INTS7: variants seen among roughly 807,000 people sequenced by gnomAD.
The protein encoded by INTS7 is integrator complex subunit 7.
A neutral mutation model predicts 109.2 loss-of-function variants in INTS7; 46 were observed. The observed-to-expected ratio is 0.42, with a 90% CI of 0.33 to 0.54. INTS7 has a LOEUF of 0.54. Ranked by LOEUF, INTS7 falls within the 20% of genes least tolerant of loss-of-function variation. INTS7 has a pLI of 0.07. For missense variants in INTS7, 929 were observed against 1,132.4 expected (o/e 0.82, Z 2.58); for synonymous variants, 412 against 402.9 (o/e 1.02, Z -0.27).
intron 12 of INTS7, among the ~76,000 whole-genome samples, chr1:211,976,000 A>G (rs866284261): frequency 6.6e-6 from 1 of 151,792 alleles, no homozygotes. Context: ...GGCTTTTACT[A>G]TGTCAGCCAG....
rs757828237 is a variant in INTS7 at position 211,978,931 on chromosome 1, C to CGT, written c.1231-422_1231-421dup. On this transcript the variant is annotated intron_variant, in intron 10 of 19. Coordinates refer to ENST00000366994, the MANE Select transcript of INTS7 (RefSeq NM_015434.4). ...AAATATAGATTCCTGAATTAACATACGTGTGTGTGTGTGTTGAGGCTACTG... is the reference window on the plus strand; with the variant it reads ...AAATATAGATTCCTGAATTAACATACGTGTGTGTGTGTGTGTTGAGGCTACTG... Among the ~76,000 whole-genome samples the CGT allele has an allele frequency of 1.5e-4, 23 of 151,730 alleles. 1 individual carries two copies. The highest frequency in any genetic ancestry group is 7.7e-4 in the East Asian group (4 of 5,166).
intron 15 of INTS7, among the ~76,000 whole-genome samples, chr1:211,966,714 C>T (rs574844572): frequency 6.2e-4 from 94 of 152,224 alleles, no homozygotes; most frequent in African/African-American, 2.1e-3. Flanking sequence ...AAGGGTACTT[C>T]GGAGGCTACT....
chr1:211,969,479 A>T (rs956819659), intron 13 of INTS7, among the ~76,000 whole-genome samples: 24 of 150,114 alleles, frequency 1.6e-4, no homozygotes, highest in East Asian at 3.9e-4. Flanking sequence ...CACTGTTTTT[A>T]AAAAAAAATG....
At chr1:212,014,546 TCCCTCCCCCTCC>T (rs371405739) in intron 4 of INTS7, among the ~76,000 whole-genome samples, 1 of 142,202 alleles carries the variant, frequency 7.0e-6, no homozygotes, top group Non-Finnish European at 1.5e-5. Flanking sequence ...ATTTATCCTC[TCCCTCCCCCTCC>T]CCCTCCCCCT....
In INTS7 at chr1:211,946,795, A is replaced by G. The variant is rs1662867216; in HGVS notation, c.2317-90T>C. On this transcript the variant is annotated intron_variant, in intron 17 of 19. Coordinates refer to ENST00000366994, the MANE Select transcript of INTS7 (RefSeq NM_015434.4). The surrounding 1 kb of genome is among the most constrained non-coding windows in gnomAD (Gnocchi z 4.3). ...ATTCAGTATAAAACTACAAATGCCCATATAGATTATTACAAAGGTACATAC... is the reference window on the plus strand; with the variant it reads ...ATTCAGTATAAAACTACAAATGCCCGTATAGATTATTACAAAGGTACATAC... The G allele has an allele frequency of 1.3e-6, 1 of 788,508 alleles. No individual in the cohort carries two copies. Among genetic ancestry groups the G allele is most frequent in the South Asian group, 1.7e-5 (1 of 59,664 alleles). The allele number at this position is 788,508 out of a possible 1,614,324, so 48.8% of individuals were successfully genotyped here.
intron 7 of INTS7, among the ~76,000 whole-genome samples, chr1:211,989,525 T>C (rs938391219): frequency 6.6e-6 from 1 of 152,050 alleles, no homozygotes; most frequent in Non-Finnish European, 1.5e-5. Context: ...AGAACCTTAA[T>C]ATATAAAAAG....
intron 16 of INTS7, among the ~76,000 whole-genome samples, chr1:211,965,384 T>C (rs1663826170): frequency 6.6e-6 from 1 of 152,212 alleles, no homozygotes; most frequent in South Asian, 2.1e-4. Flanking sequence ...TGGAAAGCAC[T>C]GTGGTGATTC....
chr1:211,960,352 G>A (rs947799409), intron 16 of INTS7, among the ~76,000 whole-genome samples: 5 of 151,754 alleles, frequency 3.3e-5, no homozygotes, highest in African/African-American at 1.2e-4. Flanking sequence ...CCACAAAGAC[G>A]AGAAAGAACC....
At chr1:212,011,689 T>C in intron 4 of INTS7, 1 of 351,290 alleles carries the variant, frequency 2.8e-6, no homozygotes, top group Non-Finnish European at 5.2e-6. Flanking sequence ...TTCATAACAC[T>C]AACAAGCATC....
At chr1:211,966,543 G>A (rs764615224) in intron 15 of INTS7, 45 bp from the exon 16 acceptor site, 8 of 1,179,416 alleles carry the variant, frequency 6.8e-6, no homozygotes, top group South Asian at 2.6e-5. Flanking sequence ...GAAGAAACCC[G>A]CTATAGGTTT....
At chr1:211,975,917 A>G (rs963506239) in intron 12 of INTS7, among the ~76,000 whole-genome samples, 3 of 151,514 alleles carry the variant, frequency 2.0e-5, no homozygotes, top group African/African-American at 7.3e-5. Flanking sequence ...CACCTAGAGT[A>G]ATGCTTCCTC....
At chr1:211,952,943 CTT>C (rs1347803230) in intron 16 of INTS7, among the ~76,000 whole-genome samples, 1 of 152,160 alleles carries the variant, frequency 6.6e-6, no homozygotes, top group Non-Finnish European at 1.5e-5. Flanking sequence ...TTCTTAATCT[CTT>C]TGGTTGCCAG....
rs1662600700 is a variant in INTS7 at position 211,940,945 on chromosome 1, TG to T, written c.*878del. On this transcript the variant is annotated 3_prime_UTR_variant, in exon 20 of 20. Coordinates refer to ENST00000366994, the MANE Select transcript of INTS7 (RefSeq NM_015434.4). ...TTCTATGAAATTGCTAGCTGCTCTT[TG>T]TTTCAATTAAATATGAAAATAATAA... The T allele has an allele frequency of 6.7e-6, 1 of 149,084 alleles. No homozygotes were observed. The highest frequency in any genetic ancestry group is 1.5e-5 in the Non-Finnish European group (1 of 68,020). 9.2% of individuals were successfully genotyped at this position (149,084 alleles called of 1,614,324 possible).
chr1:211,963,760 G>C (rs1401893578), intron 16 of INTS7, among the ~76,000 whole-genome samples: 1 of 151,752 alleles, frequency 6.6e-6, no homozygotes, highest in Non-Finnish European at 1.5e-5. Flanking sequence ...AATCAATGCA[G>C]AAAAGGCTTT....
chr1:211,987,895 T>A lies in INTS7; in HGVS notation c.988A>T (p.Ile330Leu), dbSNP rs372485233. 1.3e-6 allele frequency: 2 copies of A among 1,563,614 alleles called. No homozygotes were observed. Among genetic ancestry groups the A allele is most frequent in the Admixed American group, 1.7e-5 (1 of 59,716 alleles). The change falls in exon 8 of 20, where the codon ATA becomes TTA. Residue 330 changes from isoleucine (I) to leucine (L), a missense_variant. Physicochemically the swap from Ile to Leu is conservative, Grantham distance 5. Around this residue, in one of 2 missense-constraint regions of INTS7, gnomAD observed 787 missense variants for 901.1 expected, o/e 0.87. Coordinates refer to ENST00000366994, the MANE Select transcript of INTS7 (RefSeq NM_015434.4). ...GTIAIKHYFS[I>L]VPGNVSSSPR... ...CCTGTCTTTTCCTTACCTGGAACTATACTGAAGTAATGTTTGATGGCGATG... is the reference window on the plus strand; with the variant it reads ...CCTGTCTTTTCCTTACCTGGAACTAAACTGAAGTAATGTTTGATGGCGATG...
Position 211,976,624 on chromosome 1 carries a change from A to C in INTS7, c.1566T>G (p.Asn522Lys). The change falls in exon 12 of 20, where the codon AAT becomes AAG. Residue 522 changes from asparagine (N) to lysine (K), a missense_variant. This residue lies in a region of INTS7 where 787 missense variants were observed against 901.1 expected (regional missense o/e 0.87). Transcript: ENST00000366994. ...VIKQQLESVS[N>K]GWTVYRIARQ... Reference sequence around the variant, plus strand: ...TGGCAATACGGTATACAGTCCATCCATTGGAGACACTTTCAAGCTGCTGCT... The same window carrying C: ...TGGCAATACGGTATACAGTCCATCCCTTGGAGACACTTTCAAGCTGCTGCT... The C allele has an allele frequency of 6.2e-7, 1 of 1,614,084 alleles. No homozygotes were observed. Among genetic ancestry groups the C allele is most frequent in the Non-Finnish European group, 8.5e-7 (1 of 1,179,946 alleles).
intron 7 of INTS7, among the ~76,000 whole-genome samples, chr1:211,998,659 A>G (rs896301858): frequency 6.9e-6 from 1 of 144,036 alleles, no homozygotes; most frequent in Non-Finnish European, 1.6e-5. Flanking sequence ...TACAACCTAT[A>G]AAAGAAAAAA....
chr1:212,016,908 C>T lies in INTS7; in HGVS notation c.487G>A (p.Ala163Thr). ...VEVEAAVFAA[A>T]NFSAQSKDFA... is the part of the protein sequence containing the mutation. Reference sequence around the variant, plus strand: ...TACTTTGACTGTGCAGAGAAGTTTGCAGCAGCAAAAACAGCAGCTTCAACT... The same window carrying T: ...TACTTTGACTGTGCAGAGAAGTTTGTAGCAGCAAAAACAGCAGCTTCAACT... Residue 163 changes from alanine to threonine, a missense_variant, in exon 4 of 20, where the codon GCA (alanine) becomes ACA (threonine). Physicochemically the swap from Ala to Thr is moderately conservative, Grantham distance 58 (BLOSUM62 0). This residue lies in a region of INTS7 where 142 missense variants were observed against 231.4 expected (regional missense o/e 0.61). Coordinates refer to ENST00000366994, the MANE Select transcript of INTS7 (RefSeq NM_015434.4). 6.2e-7 allele frequency: 1 copy of T among 1,606,814 alleles called. No individual in the cohort carries two copies. The highest frequency in any genetic ancestry group is 8.5e-7 in the Non-Finnish European group (1 of 1,177,456).
intron 4 of INTS7, among the ~76,000 whole-genome samples, chr1:212,015,370 T>C (rs1666376297): frequency 1.3e-5 from 2 of 152,124 alleles, no homozygotes; most frequent in Admixed American, 1.3e-4. Context: ...TAAGAAAAAT[T>C]CTTCTGCCTT....
Sources: gnomAD v4.1 joint callset for allele counts (sites outside exome capture counted in the v4.1 genomes callset) on GRCh38, gnomAD v4.1.1 for gene constraint, gnomAD v4.1.1 regional missense constraint, Gnocchi (gnomAD v3.1) non-coding constraint, MANE v1.5 for transcripts, NCBI Gene and HGNC (gene_info 2026-07-23, HGNC 2026-07-21) for gene names.